The following RARB variants were observed in gnomAD, a reference collection of about 807,000 sequenced individuals.
RARB encodes retinoic acid receptor beta.
Under a neutral mutation model 51.9 loss-of-function variants are expected in RARB, and 17 were observed. The ratio of observed to expected loss-of-function variants is 0.33; its 90% CI spans 0.22 to 0.49. RARB has a LOEUF of 0.49. RARB is among the 20% of genes least tolerant of loss of function. The pLI is 0.99. For synonymous variants in RARB, 215 were observed against 195.4 expected (o/e 1.10, Z -0.84); for missense variants, 369 against 550.8 (o/e 0.67, Z 3.30).
chr3:25,463,175 A>C (rs57446688), intron 2 of RARB, among the ~76,000 whole-genome samples: 7 of 151,216 alleles, frequency 4.6e-5, no homozygotes, highest in Non-Finnish European at 8.8e-5. Flanking sequence ...GCCCAGCCCC[A>C]CTCAATTTCT....
chr3:25,293,291 C>A (rs1398973477), intron 5 of RARB, among the ~76,000 whole-genome samples: 1 of 152,090 alleles, frequency 6.6e-6, no homozygotes, highest in Non-Finnish European at 1.5e-5. Context: ...CAGTGAGCAC[C>A]TATCTGTACT....
chr3:25,286,290 G>A lies in RARB; in HGVS notation c.178+111715G>A, dbSNP rs999221053. 4.6e-5 allele frequency among the ~76,000 whole-genome samples: 7 copies of A among 151,850 alleles called. No individual in the cohort carries two copies. In the South Asian group the frequency reaches 1.0e-3, roughly 22 times the overall value. ...TTTTGAGCAGAGACGGGGTTTCACC[G>A]TGTTAGCCAGGATGGTCTCGATCTC... On this transcript the variant is annotated intron_variant, in intron 5 of 11. Coordinates refer to the RARB transcript ENST00000383772.
intron 3 of RARB, among the ~76,000 whole-genome samples, chr3:25,062,013 TA>T (rs1403613901): frequency 6.6e-6 from 1 of 151,516 alleles, no homozygotes; most frequent in African/African-American, 2.4e-5. Flanking sequence ...CTTAAGAAAA[TA>T]ATAGTAGAAT....
intron 3 of RARB, among the ~76,000 whole-genome samples, chr3:25,558,133 C>T (rs1700132936): frequency 6.6e-6 from 1 of 152,180 alleles, no homozygotes; most frequent in South Asian, 2.1e-4. Context: ...GTTTCACTGA[C>T]TTCTCCTACA....
chr3:24,870,512 ATTTC>A (rs1214331958), intron 2 of RARB, among the ~76,000 whole-genome samples: 1 of 151,924 alleles, frequency 6.6e-6, no homozygotes, highest in Non-Finnish European at 1.5e-5. Context: ...TTTGTTTAAT[ATTTC>A]TTTATACTAA....
At chr3:25,087,662 T>C (rs1699127285) in intron 3 of RARB, among the ~76,000 whole-genome samples, 1 of 152,118 alleles carries the variant, frequency 6.6e-6, no homozygotes, top group Non-Finnish European at 1.5e-5. Context: ...ATAATAGTAA[T>C]GGAGATTGTT....
intron 3 of RARB, among the ~76,000 whole-genome samples, chr3:25,535,184 A>G (rs1575495747): frequency 6.6e-6 from 1 of 152,324 alleles, no homozygotes; most frequent in East Asian, 1.9e-4. Context: ...GCTTTGGATC[A>G]GTCATTCTAA....
intron 5 of RARB, among the ~76,000 whole-genome samples, chr3:25,224,202 C>T (rs533780988): frequency 1.3e-5 from 2 of 152,280 alleles, no homozygotes; most frequent in African/African-American, 4.8e-5. Context: ...TAATGCCCAA[C>T]AAACAAGCAG....
chr3:25,025,462 T>G (rs1479615498), intron 2 of RARB, among the ~76,000 whole-genome samples: 1 of 152,214 alleles, frequency 6.6e-6, no homozygotes, highest in Non-Finnish European at 1.5e-5. Context: ...TTGACCCAGA[T>G]GATTCATTAT....
intron 1 of RARB, among the ~76,000 whole-genome samples, chr3:25,433,292 T>TAGGCTGCCCCTTGAACTC (rs11268221): frequency 2.6e-5 from 4 of 152,152 alleles, no homozygotes; most frequent in African/African-American, 9.7e-5. Flanking sequence ...CAACATCTCC[T>TAGGCTGCCCCTTGAACTC]AGGAGTGGCA....
At chr3:24,961,457 G>A (rs1294065573) in intron 2 of RARB, among the ~76,000 whole-genome samples, 4 of 152,328 alleles carry the variant, frequency 2.6e-5, no homozygotes, top group South Asian at 4.1e-4. Flanking sequence ...ATTACAATTG[G>A]CTGTTCTCTG....
At chr3:25,168,416 G>A (rs960959360) in intron 4 of RARB, among the ~76,000 whole-genome samples, 1 of 151,994 alleles carries the variant, frequency 6.6e-6, no homozygotes, top group Admixed American at 6.6e-5. Flanking sequence ...AGTAGAGACA[G>A]GGTTTCACCA....
At chr3:24,969,140 T>C (rs925919458) in intron 2 of RARB, among the ~76,000 whole-genome samples, 2 of 152,280 alleles carry the variant, frequency 1.3e-5, no homozygotes, top group African/African-American at 4.8e-5. Flanking sequence ...TATAAATCTA[T>C]GTATATAAAT....
intron 2 of RARB, among the ~76,000 whole-genome samples, chr3:25,052,248 A>T (rs895000393): frequency 6.6e-6 from 1 of 152,178 alleles, no homozygotes; most frequent in Non-Finnish European, 1.5e-5. Flanking sequence ...GACAGAGAGG[A>T]TGCATCCCAT....
intron 5 of RARB, among the ~76,000 whole-genome samples, chr3:25,313,716 C>G (rs2125435120): frequency 6.6e-6 from 1 of 152,190 alleles, no homozygotes. Flanking sequence ...CATCTTTAGT[C>G]ATAATACAAA....
intron 1 of RARB, among the ~76,000 whole-genome samples, chr3:24,846,678 T>C (rs1406435177): frequency 6.6e-6 from 1 of 151,938 alleles, no homozygotes; most frequent in Non-Finnish European, 1.5e-5. Context: ...AGTCTGAGAG[T>C]GGTGGCTTCC....
intron 6 of RARB, 29 bp downstream of exon 6, chr3:25,593,736 A>C: frequency 6.3e-7 from 1 of 1,595,816 alleles, no homozygotes. Context: ...AGCCTCATGA[A>C]ATTCCATGAA....
chr3:25,467,282 C>T (rs1157731935), intron 2 of RARB, among the ~76,000 whole-genome samples: 1 of 152,240 alleles, frequency 6.6e-6, no homozygotes, highest in Non-Finnish European at 1.5e-5. Context: ...TGCTTAATGT[C>T]TTAAAACAAT....
intron 5 of RARB, among the ~76,000 whole-genome samples, chr3:25,218,195 C>T (rs1701874594): frequency 6.6e-6 from 1 of 152,146 alleles, no homozygotes; most frequent in Non-Finnish European, 1.5e-5. Context: ...AGGACAGTCA[C>T]CCCCACTTTT....
Sources: allele counts gnomAD v4.1 joint callset (sites outside exome capture counted in the v4.1 genomes callset), GRCh38; gene constraint gnomAD v4.1.1; transcripts MANE v1.5; gene names NCBI Gene and HGNC (gene_info 2026-07-23, HGNC 2026-07-21).